The following SEMA3C variants were observed in gnomAD, a reference collection of about 807,000 sequenced individuals.
SEMA3C encodes the protein semaphorin-3C.
A neutral mutation model predicts 89.4 loss-of-function variants in SEMA3C; 47 were observed. The observed-to-expected ratio is 0.53, with a 90% CI of 0.42 to 0.67. The LOEUF (loss-of-function observed/expected upper bound fraction) is 0.67. SEMA3C is among the 30% of genes least tolerant of loss of function. The pLI is 0.00. For missense variants in SEMA3C, 839 were observed against 929.1 expected (o/e 0.90, Z 1.26); for synonymous variants, 310 against 320.2 (o/e 0.97, Z 0.34).
intron 2 of SEMA3C, among the ~76,000 whole-genome samples, chr7:80,863,686 T>TAC (rs1248108817): frequency 6.7e-6 from 1 of 149,280 alleles, no homozygotes; most frequent in Non-Finnish European, 1.5e-5. Flanking sequence ...CACATATATA[T>TAC]ACACACACAT....
At chr7:80,809,121 G>A (rs1015305873) in intron 6 of SEMA3C, among the ~76,000 whole-genome samples, 1 of 152,122 alleles carries the variant, frequency 6.6e-6, no homozygotes, top group Non-Finnish European at 1.5e-5. Flanking sequence ...AGAGAATGTT[G>A]TTTAAGTGAG....
chr7:80,798,331 T>A, intron 10 of SEMA3C, 95 bp from the exon 11 acceptor site: 1 of 1,096,372 alleles, frequency 9.1e-7, no homozygotes, highest in South Asian at 2.5e-5. Context: ...AAAGTTAATA[T>A]AATCCACCAT....
intron 2 of SEMA3C, among the ~76,000 whole-genome samples, chr7:80,877,400 T>C (rs1284688870): frequency 6.6e-6 from 1 of 152,220 alleles, no homozygotes; most frequent in Admixed American, 6.5e-5. Flanking sequence ...CGTTCTCCTT[T>C]AACTGCCAAG....
chr7:80,810,004 T>C (rs549494898), intron 6 of SEMA3C, among the ~76,000 whole-genome samples: 2 of 152,236 alleles, frequency 1.3e-5, no homozygotes, highest in East Asian at 1.9e-4. Context: ...GAATCAGTTT[T>C]AGTGATCTAC....
chr7:80,870,511 C>A (rs1365880311), intron 2 of SEMA3C, among the ~76,000 whole-genome samples: 3 of 152,194 alleles, frequency 2.0e-5, no homozygotes, highest in Admixed American at 1.3e-4. Context: ...TGAAACTAGC[C>A]TCCTATGCTA....
chr7:80,772,453 C>T (rs1231944354), intron 12 of SEMA3C, among the ~76,000 whole-genome samples: 1 of 152,174 alleles, frequency 6.6e-6, no homozygotes, highest in Non-Finnish European at 1.5e-5. Flanking sequence ...AGCAGGGTTT[C>T]TCACATGGTA....
At chr7:80,795,243 A>T (rs1789034201) in intron 11 of SEMA3C, among the ~76,000 whole-genome samples, 1 of 152,216 alleles carries the variant, frequency 6.6e-6, no homozygotes. Context: ...CTCTTGAGTC[A>T]GAGAGCTGAC....
Position 80,789,305 on chromosome 7 carries a change from C to A in SEMA3C, c.1354+1G>T, listed in dbSNP as rs993702185. 1 of 1,611,332 alleles carries A rather than the reference C, an allele frequency of 6.2e-7. No individual in the cohort carries two copies. ...AGCATATCTTGGGCTCAAATATTTACCTGTTCCGAGAAACAGGACATGGTA... is the reference window on the plus strand; with the variant it reads ...AGCATATCTTGGGCTCAAATATTTAACTGTTCCGAGAAACAGGACATGGTA... On this transcript the variant is annotated splice_donor_variant, in intron 12 of 17. Coordinates refer to ENST00000265361, the MANE Select transcript of SEMA3C (RefSeq NM_006379.5). LOFTEE classifies it high-confidence loss of function.
At chr7:80,821,101 A>G (rs1789736326) in intron 4 of SEMA3C, among the ~76,000 whole-genome samples, 1 of 152,172 alleles carries the variant, frequency 6.6e-6, no homozygotes, top group Admixed American at 6.5e-5. Flanking sequence ...AGTTTATTAC[A>G]TCCTAGACTG....
chr7:80,759,456 A>G (rs1788136593), intron 14 of SEMA3C, among the ~76,000 whole-genome samples: 2 of 152,176 alleles, frequency 1.3e-5, no homozygotes, highest in Admixed American at 6.5e-5. Flanking sequence ...ATCTCAGCTC[A>G]CCTACAAATT....
intron 14 of SEMA3C, among the ~76,000 whole-genome samples, chr7:80,761,408 A>C (rs541273206): frequency 6.6e-6 from 1 of 152,306 alleles, no homozygotes; most frequent in Non-Finnish European, 1.5e-5. Flanking sequence ...GCTCCGACAA[A>C]CTTTTATACA....
intron 13 of SEMA3C, among the ~76,000 whole-genome samples, chr7:80,764,579 T>C (rs112503916): frequency 6.6e-6 from 1 of 151,994 alleles, no homozygotes; most frequent in Non-Finnish European, 1.5e-5. Context: ...TTTTCTGTCC[T>C]TTTTTTCTTT....
chr7:80,777,984 T>C (rs1369368613), intron 12 of SEMA3C, among the ~76,000 whole-genome samples: 1 of 152,318 alleles, frequency 6.6e-6, no homozygotes, highest in Admixed American at 6.5e-5. Flanking sequence ...CTCATAAAAA[T>C]ATCTGCTATA....
intron 16 of SEMA3C, 41 bp from the exon 17 acceptor site, chr7:80,749,069 A>G: frequency 6.4e-7 from 1 of 1,555,936 alleles, no homozygotes; most frequent in Non-Finnish European, 8.7e-7. Context: ...AAGAAAGAAC[A>G]CAACTGAATT....
intron 17 of SEMA3C, among the ~76,000 whole-genome samples, chr7:80,747,094 A>G (rs1315778714): frequency 1.3e-5 from 2 of 152,082 alleles, no homozygotes; most frequent in East Asian, 3.9e-4. Context: ...AATAAGTAAA[A>G]TTGTGCTCTG....
intron 2 of SEMA3C, 81 bp downstream of exon 2, chr7:80,916,598 C>A: frequency 7.8e-7 from 1 of 1,279,312 alleles, no homozygotes. Context: ...AATATTTATA[C>A]TCTTAATTTC....
At chr7:80,795,190 G>A (rs1010953755) in intron 11 of SEMA3C, among the ~76,000 whole-genome samples, 2 of 152,222 alleles carry the variant, frequency 1.3e-5, no homozygotes, top group East Asian at 1.9e-4. Context: ...TACATGAGAC[G>A]ATATTAAACC....
chr7:80,776,611 T>C (rs899438512), intron 12 of SEMA3C, among the ~76,000 whole-genome samples: 1 of 152,234 alleles, frequency 6.6e-6, no homozygotes, highest in Non-Finnish European at 1.5e-5. Context: ...TATACTTTTG[T>C]TATACACACC....
intron 12 of SEMA3C, among the ~76,000 whole-genome samples, chr7:80,768,026 T>C (rs983929436): frequency 6.6e-6 from 1 of 152,324 alleles, no homozygotes; most frequent in African/African-American, 2.4e-5. Context: ...TTTGCCAGAA[T>C]AATGCCTGAA....
Sources: gnomAD v4.1 joint callset for allele counts (sites outside exome capture counted in the v4.1 genomes callset) on GRCh38, gnomAD v4.1.1 for gene constraint, MANE v1.5 for transcripts, NCBI Gene and HGNC (gene_info 2026-07-23, HGNC 2026-07-21) for gene names.